Variants in PTPRD observed in about 807,000 individuals in gnomAD.
PTPRD encodes receptor-type tyrosine-protein phosphatase delta.
PTPRD carries 34 observed loss-of-function variants against 214.5 expected under a neutral mutation model. The observed-to-expected ratio is 0.16, with a 90% CI of 0.12 to 0.21. PTPRD has a LOEUF of 0.21. PTPRD is among the 10% of genes least tolerant of loss of function. PTPRD has a pLI of 1.00. For missense variants in PTPRD, 2,545 were observed against 2,398.7 expected, an observed-to-expected ratio of 1.06 and a Z score of -1.27; for synonymous variants, 1,128 against 845.7, an observed-to-expected ratio of 1.33 and a Z score of -5.79.
At chr9:9,045,432 G>T (rs1047659467) in intron 10 of PTPRD, among the ~76,000 whole-genome samples, 5 of 152,026 alleles carry the variant, frequency 3.3e-5, no homozygotes, top group African/African-American at 7.2e-5. Context: ...AAGGGTCGGG[G>T]GTTGTGGTTT....
chr9:9,634,368 T>C (rs1397888101), intron 7 of PTPRD, among the ~76,000 whole-genome samples: 1 of 152,146 alleles, frequency 6.6e-6, no homozygotes, highest in Non-Finnish European at 1.5e-5. Flanking sequence ...AAGTGGTCAT[T>C]GTTAATATTA....
intron 5 of PTPRD, among the ~76,000 whole-genome samples, chr9:9,867,066 C>G (rs1191571752): frequency 1.3e-5 from 2 of 152,032 alleles, no homozygotes; most frequent in Non-Finnish European, 2.9e-5. Context: ...AGTTTACAAA[C>G]AAAAGGGTTT....
chr9:8,322,974 G>A (rs998866680), intron 44 of PTPRD, among the ~76,000 whole-genome samples: 5 of 152,130 alleles, frequency 3.3e-5, no homozygotes, highest in African/African-American at 4.8e-5. Context: ...GAAAGGAAGA[G>A]TTATACATCT....
intron 3 of PTPRD, among the ~76,000 whole-genome samples, chr9:10,239,615 AAT>A (rs1360308935): frequency 8.1e-5 from 2 of 24,804 alleles, no homozygotes; most frequent in Non-Finnish European, 4.8e-4. Context: ...GTGATAGCAG[AAT>A]AATAATAATG....
intron 11 of PTPRD, among the ~76,000 whole-genome samples, chr9:8,967,870 A>C (rs190570476): frequency 6.6e-6 from 1 of 152,064 alleles, no homozygotes; most frequent in Non-Finnish European, 1.5e-5. Flanking sequence ...GTCATTTAGC[A>C]TTAGGTATAT....
intron 2 of PTPRD, among the ~76,000 whole-genome samples, chr9:10,523,622 T>TATATAGAGAGAGAGAGAGAGAG: frequency 7.6e-6 from 1 of 131,388 alleles, no homozygotes; most frequent in African/African-American, 2.8e-5. Context: ...TATATATATA[T>TATATAGAGAGAGAGAGAGAGAG]AGACAGAAAG....
chr9:9,481,109 AATGATG>A (rs1191823278), intron 8 of PTPRD, among the ~76,000 whole-genome samples: 1 of 152,064 alleles, frequency 6.6e-6, no homozygotes, highest in Admixed American at 6.6e-5. Flanking sequence ...TGATGGTGAT[AATGATG>A]ATGATGATGA....
At chr9:8,981,822 C>T (rs2099314205) in intron 11 of PTPRD, among the ~76,000 whole-genome samples, 1 of 151,874 alleles carries the variant, frequency 6.6e-6, no homozygotes, top group Non-Finnish European at 1.5e-5. Flanking sequence ...TAATTTTCTA[C>T]AAATTTGGAA....
chr9:8,331,384 T>G (rs972107836), intron 44 of PTPRD, among the ~76,000 whole-genome samples, 198 bp downstream of exon 44: 50 of 148,330 alleles, frequency 3.4e-4, no homozygotes, highest in African/African-American at 1.0e-3. Flanking sequence ...AACATTTTTT[T>G]GGGGCTAAAC....
intron 4 of PTPRD, among the ~76,000 whole-genome samples, chr9:9,963,757 A>G (rs1045702483): frequency 6.6e-6 from 1 of 152,178 alleles, no homozygotes; most frequent in Non-Finnish European, 1.5e-5. Flanking sequence ...TGATATATGA[A>G]GAGATGAACT....
chr9:9,140,191 GAA>G (rs71317401), intron 10 of PTPRD, among the ~76,000 whole-genome samples: 1 of 141,240 alleles, frequency 7.1e-6, no homozygotes. Context: ...TCCATGCATG[GAA>G]AAAAAAAAAG....
At chr9:9,091,018 A>T (rs2099774817) in intron 10 of PTPRD, 1 of 1,567,202 alleles carries the variant, frequency 6.4e-7, no homozygotes. Flanking sequence ...GAAATTCGTC[A>T]TTCGAAACAT....
intron 12 of PTPRD, among the ~76,000 whole-genome samples, chr9:8,666,472 T>C (rs2097172574): frequency 6.6e-6 from 1 of 152,234 alleles, no homozygotes; most frequent in African/African-American, 2.4e-5. Context: ...CTGAATGGAA[T>C]TCGTATGGCT....
intron 34 of PTPRD, 113 bp downstream of exon 34, chr9:8,449,612 C>T: frequency 1.1e-6 from 1 of 946,060 alleles, no homozygotes; most frequent in Non-Finnish European, 1.6e-6. Context: ...AATAAAAGAG[C>T]AGGATGAACA....
intron 2 of PTPRD, among the ~76,000 whole-genome samples, chr9:10,513,542 T>C (rs2048998082): frequency 6.6e-6 from 1 of 152,152 alleles, no homozygotes; most frequent in South Asian, 2.1e-4. Flanking sequence ...AGTTAGTCAT[T>C]AGAGCTGGTT....
Position 9,804,005 on chromosome 9 carries a change from A to G in PTPRD, c.-367-37154T>C, listed in dbSNP as rs140854699. On this transcript the variant is annotated intron_variant, in intron 5 of 45. Transcript: ENST00000381196. ...GCAATGGAACAAGAATTATGCCCAC[A>G]TTGCTTCATTCCAATGTTAAAATCT... 2.8e-3 allele frequency among the ~76,000 whole-genome samples: 427 copies of G among 152,192 alleles called. 7 individuals are homozygous for G. The South Asian group carries it at 0.041, about 15-fold the overall frequency.
chr9:8,599,004 A>G (rs763995956), intron 14 of PTPRD, among the ~76,000 whole-genome samples: 1 of 152,218 alleles, frequency 6.6e-6, no homozygotes, highest in Admixed American at 6.5e-5. Flanking sequence ...CTTGAATTGT[A>G]GCTCCCATAA....
intron 10 of PTPRD, among the ~76,000 whole-genome samples, chr9:9,159,833 A>C (rs932364969): frequency 6.6e-6 from 1 of 152,190 alleles, no homozygotes; most frequent in Non-Finnish European, 1.5e-5. Flanking sequence ...TAAAAATCTC[A>C]TGGCACTGGC....
chr9:8,782,838 C>T (rs1282739704), intron 11 of PTPRD, among the ~76,000 whole-genome samples: 1 of 152,092 alleles, frequency 6.6e-6, no homozygotes, highest in Non-Finnish European at 1.5e-5. Context: ...TCGTGATCTG[C>T]CCTCCTTGGC....
Sources: allele counts gnomAD v4.1 joint callset (sites outside exome capture counted in the v4.1 genomes callset), GRCh38; gene constraint gnomAD v4.1.1; transcripts MANE v1.5; gene names NCBI Gene and HGNC (gene_info 2026-07-23, HGNC 2026-07-21).